ST18: variants seen among roughly 807,000 people sequenced by gnomAD.
The protein encoded by ST18 is ST18 C2H2C-type zinc finger transcription factor.
In ST18, 50 loss-of-function variants were observed where a neutral mutation model predicts 110.0. The observed-to-expected ratio is 0.45, with a 90% CI of 0.36 to 0.58. ST18 has a LOEUF of 0.58. ST18 is among the 20% of genes least tolerant of loss of function. ST18 has a pLI of 0.00. For missense variants in ST18, 1,306 were observed against 1,280.1 expected (o/e 1.02, Z -0.31); for synonymous variants, 461 against 452.4 (o/e 1.02, Z -0.24).
chr8:52,400,914 G>A (rs553188856), intron 2 of ST18, among the ~76,000 whole-genome samples: 1 of 152,140 alleles, frequency 6.6e-6, no homozygotes, highest in South Asian at 2.1e-4. Context: ...CTCTACTGGC[G>A]AGTTTTATAT....
chr8:52,216,101 G>C (rs777421779), intron 6 of ST18, among the ~76,000 whole-genome samples: 6 of 152,230 alleles, frequency 3.9e-5, no homozygotes, highest in Non-Finnish European at 7.3e-5. Context: ...AACTCCGTGA[G>C]TTTCTTTAGC....
At chr8:52,129,812 A>C (rs1173669322) in intron 22 of ST18, among the ~76,000 whole-genome samples, 1 of 152,130 alleles carries the variant, frequency 6.6e-6, no homozygotes, top group Non-Finnish European at 1.5e-5. Context: ...TGGGAGGCCA[A>C]GGTGGGCAGA....
At chr8:52,141,363 T>A (rs535269569) in intron 17 of ST18, among the ~76,000 whole-genome samples, 5 of 152,244 alleles carry the variant, frequency 3.3e-5, no homozygotes, top group Admixed American at 2.6e-4. Context: ...GGCAGCACAG[T>A]GCATATTATG....
chr8:52,172,684 T>C (rs978937096), intron 9 of ST18, 101 bp from the exon 10 acceptor site: 17 of 849,524 alleles, frequency 2.0e-5, no homozygotes, highest in Non-Finnish European at 3.0e-5. Flanking sequence ...TTCACATACA[T>C]AGGTACATAC....
intron 16 of ST18, among the ~76,000 whole-genome samples, chr8:52,143,479 G>A (rs912431218): frequency 2.1e-5 from 3 of 143,574 alleles, no homozygotes; most frequent in Admixed American, 6.7e-5. Flanking sequence ...GCAAGACTCC[G>A]TCTCAAAAAA....
intron 2 of ST18, among the ~76,000 whole-genome samples, chr8:52,245,660 T>C (rs2093786385): frequency 6.6e-6 from 1 of 152,148 alleles, no homozygotes; most frequent in Non-Finnish European, 1.5e-5. Context: ...TTTATTAGAA[T>C]AGTATCAATT....
chr8:52,300,547 G>A (rs1429005104), intron 2 of ST18, among the ~76,000 whole-genome samples: 1 of 152,112 alleles, frequency 6.6e-6, no homozygotes, highest in Non-Finnish European at 1.5e-5. Context: ...AGAATTATGG[G>A]CCCAATCCTG....
At chr8:52,304,904 A>G (rs890363135) in intron 2 of ST18, among the ~76,000 whole-genome samples, 1 of 152,148 alleles carries the variant, frequency 6.6e-6, no homozygotes, top group South Asian at 2.1e-4. Context: ...GGGTTCCATC[A>G]CCTTGGGGGT....
chr8:52,142,868 A>C (rs2055731968), intron 17 of ST18, 62 bp downstream of exon 17: 1 of 1,234,512 alleles, frequency 8.1e-7, no homozygotes, highest in Non-Finnish European at 1.2e-6. Context: ...TTGTAACTTT[A>C]AGTCATGAAC....
chr8:52,172,386 C>T lies in ST18; in HGVS notation c.475G>A (p.Ala159Thr), dbSNP rs2065275393. 5.0e-6 allele frequency: 8 copies of T among 1,613,926 alleles called. No individual in the cohort carries two copies. The highest frequency in any genetic ancestry group is 5.9e-6 in the Non-Finnish European group (7 of 1,180,018). Residue 159 changes from alanine (A) to threonine (T), a missense_variant, in exon 10 of 26, where the codon GCA becomes ACA. Transcript: ENST00000689386. ...LNDSGIQSLKAESDEADECFL... is the reference protein window; with the variant it reads ...LNDSGIQSLKTESDEADECFL... ...CACTCGTCTGCTTCATCGCTCTCTG[C>T]TTTTAAAGACTGGATGCCACTGTCA...
chr8:52,206,572 G>C (rs970787970), intron 8 of ST18: 3 of 152,224 alleles, frequency 2.0e-5, no homozygotes, highest in African/African-American at 4.8e-5. Flanking sequence ...GGCCGATGCC[G>C]GGGTGGCTGA....
At chr8:52,123,602 T>G (rs996303967) in intron 23 of ST18, among the ~76,000 whole-genome samples, 1 of 152,232 alleles carries the variant, frequency 6.6e-6, no homozygotes, top group African/African-American at 2.4e-5. Context: ...CTTTTCCAGT[T>G]AGTTACCTGT....
chr8:52,157,612 G>A (rs1438021832), intron 15 of ST18, among the ~76,000 whole-genome samples: 8 of 152,134 alleles, frequency 5.3e-5, no homozygotes, highest in South Asian at 2.1e-4. Flanking sequence ...AATTTGGATC[G>A]CCTGGTATAC....
At chr8:52,386,737 T>C (rs1311799581) in intron 2 of ST18, among the ~76,000 whole-genome samples, 6 of 152,148 alleles carry the variant, frequency 3.9e-5, no homozygotes, top group African/African-American at 1.4e-4. Context: ...ATTGCCTTAG[T>C]GGAGTTTGTG....
chr8:52,183,420 A>G (rs191964703), intron 8 of ST18, among the ~76,000 whole-genome samples: 1 of 152,340 alleles, frequency 6.6e-6, no homozygotes, highest in Admixed American at 6.5e-5. Context: ...TTTGGGTCCA[A>G]ATAATAACTG....
At chr8:52,327,512 T>C in intron 2 of ST18, among the ~76,000 whole-genome samples, 1 of 152,224 alleles carries the variant, frequency 6.6e-6, no homozygotes, top group African/African-American at 2.4e-5. Context: ...GAGTAGCAAC[T>C]TGAATTTCCA....
intron 8 of ST18, among the ~76,000 whole-genome samples, chr8:52,190,040 A>G (rs1435714170): frequency 6.6e-6 from 1 of 152,200 alleles, no homozygotes; most frequent in African/African-American, 2.4e-5. Context: ...TCTCAAATCC[A>G]AAGATTCAAA....
At chr8:52,385,088 G>T (rs565113787) in intron 2 of ST18, among the ~76,000 whole-genome samples, 1 of 152,214 alleles carries the variant, frequency 6.6e-6, no homozygotes. Flanking sequence ...AGACAGAAAC[G>T]TGAGACTCAG....
intron 2 of ST18, among the ~76,000 whole-genome samples, chr8:52,375,030 C>T (rs1227274329): frequency 6.6e-6 from 1 of 152,112 alleles, no homozygotes; most frequent in African/African-American, 2.4e-5. Flanking sequence ...ACCCTCCAGA[C>T]TCCTAGTCCA....
Sources: allele counts gnomAD v4.1 joint callset (sites outside exome capture counted in the v4.1 genomes callset), GRCh38; gene constraint gnomAD v4.1.1; transcripts MANE v1.5; gene names NCBI Gene and HGNC (gene_info 2026-07-23, HGNC 2026-07-21).